FER1L5: variants seen among roughly 807,000 people sequenced by gnomAD.
FER1L5 encodes the protein fer-1 like family member 5.
Under a neutral mutation model 279.9 loss-of-function variants are expected in FER1L5, and 187 were observed. That is an observed-to-expected ratio of 0.67 (90% CI 0.59 to 0.75). The LOEUF (loss-of-function observed/expected upper bound fraction) is 0.75, where lower values mean the gene tolerates loss of function less well. Ranked by LOEUF, FER1L5 falls within the 30% of genes least tolerant of loss-of-function variation. The pLI, the probability that FER1L5 is intolerant of heterozygous loss-of-function variation, is 0.00. For missense variants in FER1L5, 2,091 were observed against 2,594.4 expected (o/e 0.81, Z 4.21); for synonymous variants, 921 against 989.7 (o/e 0.93, Z 1.30).
intron 19 of FER1L5, among the ~76,000 whole-genome samples, chr2:96,681,829 G>T (rs1192463387): frequency 6.7e-6 from 1 of 150,018 alleles, no homozygotes; most frequent in Non-Finnish European, 1.5e-5. Context: ...TCACTTTGTT[G>T]CCCAGGCTGG....
Position 96,689,371 on chromosome 2 carries a change from G to C in FER1L5, c.2520G>C (p.Gln840His). Residue 840 changes from glutamine (Q) to histidine (H), a missense_variant, in exon 25 of 53, where the codon CAG (glutamine) becomes CAC (histidine). Physicochemically the swap from Gln to His is conservative, Grantham distance 24 (BLOSUM62 0). Transcript: ENST00000624922. The surrounding 1 kb of genome is among the most constrained non-coding windows in gnomAD (Gnocchi z 4.6). ...HWQDSWTVEP[Q>H]RRLLLDIDIN... Reference sequence around the variant, plus strand: ...AGGACAGCTGGACAGTGGAACCTCAGAGAAGGTAAGGCCAGAGGGGGCAGG... The same window carrying C: ...AGGACAGCTGGACAGTGGAACCTCACAGAAGGTAAGGCCAGAGGGGGCAGG... The C allele has an allele frequency of 1.3e-6, 2 of 1,549,728 alleles. No individual in the cohort carries two copies. Among genetic ancestry groups the C allele is most frequent in the East Asian group, 4.9e-5 (2 of 40,904 alleles).
rs781351271 is a variant in FER1L5, at chr2:96,702,722, CGT to C, written c.5383_5384del (p.Val1795ProfsTer29). Reference sequence around the variant, plus strand: ...ATGGACTACCTGGCGGCGGAGCGCACGTGTGTCCAGAGCCAGAAGGTAACAGG... The same window carrying C: ...ATGGACTACCTGGCGGCGGAGCGCACGTGTCCAGAGCCAGAAGGTAACAGG... On this transcript the variant is annotated frameshift_variant, in exon 48 of 53. Transcript: ENST00000624922. LOFTEE classifies it high-confidence loss of function. The surrounding 1 kb of genome is among the most constrained non-coding windows in gnomAD (Gnocchi z 4.0). 8 of 1,613,032 alleles carry C rather than the reference CGT, an allele frequency of 5.0e-6. No homozygotes were observed. Among genetic ancestry groups the C allele is most frequent in the South Asian group, 2.2e-5 (2 of 90,910 alleles).
intron 3 of FER1L5, 67 bp from the exon 4 acceptor site, chr2:96,647,711 G>A (rs534047381): frequency 8.3e-6 from 10 of 1,200,346 alleles, no homozygotes; most frequent in South Asian, 2.6e-5. Context: ...CTAAAGCCCT[G>A]CCCGGGAGAG....
At chr2:96,674,363 C>T (rs1248291056) in intron 19 of FER1L5, among the ~76,000 whole-genome samples, 2 of 152,186 alleles carry the variant, frequency 1.3e-5, no homozygotes, top group African/African-American at 4.8e-5. Context: ...GCTGGGACTA[C>T]AGGCACATGC....
intron 1 of FER1L5, among the ~76,000 whole-genome samples, chr2:96,643,208 G>C (rs2074959720): frequency 6.6e-6 from 1 of 152,156 alleles, no homozygotes; most frequent in South Asian, 2.1e-4. Context: ...TAAAGAGAAA[G>C]TCCCTGCTTC....
Position 96,695,734 on chromosome 2 carries a change from G to A in FER1L5, c.3895-8G>A, listed in dbSNP as rs777772481. On this transcript the variant is annotated splice_polypyrimidine_tract_variant and splice_region_variant and intron_variant, in intron 35 of 52. Transcript: ENST00000624922. Reference sequence around the variant, plus strand: ...TCTCACGCTCCCCACGTCTCCTCGGGATTGCAGCTCATGCCGACGGAGGAG... The same window carrying A: ...TCTCACGCTCCCCACGTCTCCTCGGAATTGCAGCTCATGCCGACGGAGGAG... 3.7e-6 allele frequency: 6 copies of A among 1,611,976 alleles called. No individual in the cohort carries two copies. In the South Asian group the frequency reaches 4.4e-5, roughly 12 times the overall value.
chr2:96,675,588 G>A (rs541954806), intron 19 of FER1L5, among the ~76,000 whole-genome samples: 5 of 151,840 alleles, frequency 3.3e-5, no homozygotes, highest in Non-Finnish European at 7.4e-5. Flanking sequence ...CACCATGCCC[G>A]GCTAATTTTT....
chr2:96,662,849 T>G (rs2076002624), intron 13 of FER1L5, among the ~76,000 whole-genome samples: 1 of 152,208 alleles, frequency 6.6e-6, no homozygotes, highest in Non-Finnish European at 1.5e-5. Flanking sequence ...GTGAACATAT[T>G]TAAAACCACC....
rs1307434481 is a variant in FER1L5, at chr2:96,703,610, T to G, written c.5779T>G (p.Tyr1927Asp). 6.2e-7 allele frequency: 1 copy of G among 1,613,798 alleles called. No individual in the cohort carries two copies. The highest frequency in any genetic ancestry group is 1.3e-5 in the African/African-American group (1 of 74,880). ...AGRGQSEPNQYPTLHPPLRTN... is the reference protein window; with the variant it reads ...AGRGQSEPNQDPTLHPPLRTN... ...GCGAGGCCAGTCGGAACCCAACCAGTACCCCACACTTCATCCTCCCCTGTA... is the reference window on the plus strand; with the variant it reads ...GCGAGGCCAGTCGGAACCCAACCAGGACCCCACACTTCATCCTCCCCTGTA... Residue 1927 changes from tyrosine to aspartate, a missense_variant, in exon 51 of 53, where the codon TAC (tyrosine) becomes GAC (aspartate). Tyr to Asp is a radical substitution (Grantham distance 160, BLOSUM62 -3). Transcript: ENST00000624922.
chr2:96,646,418 C>A lies in FER1L5; in HGVS notation c.103C>A (p.Arg35Ser). The change falls in exon 2 of 53, where the codon CGT (arginine) becomes AGT (serine). Residue 35 changes from arginine to serine, a missense_variant. Arg to Ser is a moderately radical substitution (Grantham distance 110). Coordinates refer to ENST00000624922, the MANE Select transcript of FER1L5 (RefSeq NM_001293083.2). Reference sequence around the variant, plus strand: ...CTTTGCAGATATCAAGAAAAGAACTCGTGTGGTGGAAGGGAATGATCCCGT... The same window carrying A: ...CTTTGCAGATATCAAGAAAAGAACTAGTGTGGTGGAAGGGAATGATCCCGT... Reference protein sequence around the residue: ...IDFRDIKKRTRVVEGNDPVWN... With the variant: ...IDFRDIKKRTSVVEGNDPVWN... The A allele has an allele frequency of 6.4e-7, 1 of 1,551,684 alleles. No homozygotes were observed. Among genetic ancestry groups the A allele is most frequent in the Non-Finnish European group, 8.7e-7 (1 of 1,146,948 alleles).
intron 9 of FER1L5, among the ~76,000 whole-genome samples, chr2:96,659,480 T>A (rs551508488): frequency 3.9e-4 from 13 of 33,330 alleles, no homozygotes; most frequent in Non-Finnish European, 5.5e-4. Flanking sequence ...TTTCTTTCTT[T>A]CTTTCTTTCT....
chr2:96,698,832 G>C lies in FER1L5; in HGVS notation c.4518G>C (p.Leu1506=). The C allele has an allele frequency of 3.8e-6, 6 of 1,560,114 alleles. No homozygotes were observed. The highest frequency in any genetic ancestry group is 5.2e-6 in the Non-Finnish European group (6 of 1,152,192). The stretch of plus-strand genomic sequence containing the variant: ...TGCAGCCCCAGGACTACAATGGCCT[G>C]GTAAAGAACAGTACCTGCCCCACAC... ...INLQPQDYNG[L]CDPYVILKLG... Residue 1506 remains leucine, a splice_region_variant and synonymous_variant, in exon 41 of 53, where the codon CTG becomes CTC. Coordinates refer to ENST00000624922, the MANE Select transcript of FER1L5 (RefSeq NM_001293083.2). The surrounding 1 kb of genome is among the most constrained non-coding windows in gnomAD (Gnocchi z 5.5).
At chr2:96,672,750 AG>A (rs948935532) in intron 18 of FER1L5, among the ~76,000 whole-genome samples, 2 of 151,984 alleles carry the variant, frequency 1.3e-5, no homozygotes, top group Non-Finnish European at 2.9e-5. Context: ...TTAGGCAAAA[AG>A]GAGGAAGCAT....
chr2:96,691,605 G>C lies in FER1L5; in HGVS notation c.3068G>C (p.Gly1023Ala). Residue 1023 changes from glycine (G) to alanine (A), a missense_variant, in exon 29 of 53, where the codon GGG (glycine) becomes GCG (alanine). Gly to Ala is a moderately conservative substitution (Grantham distance 60, BLOSUM62 0). Coordinates refer to ENST00000624922, the MANE Select transcript of FER1L5 (RefSeq NM_001293083.2). This position sits in a 1 kb window ranked among gnomAD's most constrained non-coding sequence, Gnocchi z 6.0. ...KGIAPIFLLE[G>A]SLAMDLKYHA... is the part of the protein sequence containing the mutation. The stretch of plus-strand genomic sequence containing the variant: ...ATCGCGCCCATATTCCTCCTGGAGG[G>C]GTCCTTGGTAAAGCCTCACAGGCTG... The C allele has an allele frequency of 1.3e-6, 2 of 1,524,024 alleles. No homozygotes were observed. Among genetic ancestry groups the C allele is most frequent in the Non-Finnish European group, 1.8e-6 (2 of 1,133,182 alleles). 94.4% of individuals were successfully genotyped at this position (1,524,024 alleles called of 1,614,324 possible).
intron 21 of FER1L5, 145 bp downstream of exon 21, chr2:96,685,574 A>G (rs1338841560): frequency 1.4e-6 from 1 of 729,886 alleles, no homozygotes. Flanking sequence ...GGGAAACCCC[A>G]AGAGTCGCTT....
chr2:96,668,983 G>C lies in FER1L5; in HGVS notation c.1267+15G>C, dbSNP rs1327758658. ...AGAGATAGAAGGCAAGCAAAGCCTC[G>C]AGCCCACTTCCTACACCCCTCGTCC... On this transcript the variant is annotated intron_variant, in intron 16 of 52. Coordinates refer to ENST00000624922, the MANE Select transcript of FER1L5 (RefSeq NM_001293083.2). 5.2e-6 allele frequency: 8 copies of C among 1,551,450 alleles called. No individual in the cohort carries two copies. The East Asian group carries it at 1.7e-4, about 33-fold the overall frequency.
chr2:96,646,294 G>A lies in FER1L5; in HGVS notation c.86-107G>A, dbSNP rs1448044975. 2.0e-5 allele frequency: 25 copies of A among 1,239,700 alleles called. No individual in the cohort carries two copies. In the East Asian group the frequency reaches 3.9e-4, roughly 20 times the overall value. 76.8% of individuals were successfully genotyped at this position (1,239,700 alleles called of 1,614,324 possible). A position where few individuals can be genotyped will look rare whatever the true frequency, so the allele number is the denominator to read the frequency against. Reference sequence around the variant, plus strand: ...ATTACAGGCGTTAGCCACCATGCCCGGCCGACTTGAAGTTTTCTTAGAGTG... The same window carrying A: ...ATTACAGGCGTTAGCCACCATGCCCAGCCGACTTGAAGTTTTCTTAGAGTG... On this transcript the variant is annotated intron_variant, in intron 1 of 52. Coordinates refer to ENST00000624922, the MANE Select transcript of FER1L5 (RefSeq NM_001293083.2).
intron 37 of FER1L5, among the ~76,000 whole-genome samples, 172 bp downstream of exon 37, chr2:96,696,249 T>C (rs538021166): frequency 6.6e-6 from 1 of 152,312 alleles, no homozygotes; most frequent in Admixed American, 6.5e-5. Flanking sequence ...TAAGCCTGAC[T>C]GCATGTTAGA....
rs2077434252 is a variant in FER1L5, at chr2:96,697,694, A to C, written c.4169A>C (p.Lys1390Thr). The C allele has an allele frequency of 6.2e-7, 1 of 1,613,906 alleles. No homozygotes were observed. Among genetic ancestry groups the C allele is most frequent in the South Asian group, 1.1e-5 (1 of 91,088 alleles). Residue 1390 changes from lysine to threonine, a missense_variant, in exon 39 of 53, where the codon AAG (lysine) becomes ACG (threonine). Coordinates refer to ENST00000624922, the MANE Select transcript of FER1L5 (RefSeq NM_001293083.2). ...GAGCATGAGGTGGACTGGTGGAGCA[A>C]GCTGTTCTGGGCCACAGATGAGCAC... ...EYEHEVDWWS[K>T]LFWATDEHKS...
Sources: allele counts gnomAD v4.1 joint callset (sites outside exome capture counted in the v4.1 genomes callset), GRCh38; gene constraint gnomAD v4.1.1; non-coding constraint Gnocchi (gnomAD v3.1); transcripts MANE v1.5; gene names NCBI Gene and HGNC (gene_info 2026-07-23, HGNC 2026-07-21).